METAP1: variants seen among roughly 807,000 people sequenced by gnomAD.
METAP1 encodes the protein methionine aminopeptidase 1.
Under a neutral mutation model 53.8 loss-of-function variants are expected in METAP1, and 28 were observed. The ratio of observed to expected loss-of-function variants is 0.52; its 90% CI spans 0.39 to 0.71. The LOEUF (loss-of-function observed/expected upper bound fraction) is 0.71, where lower values mean the gene tolerates loss of function less well. METAP1 is among the 30% of genes least tolerant of loss of function. The pLI, the probability that METAP1 is intolerant of heterozygous loss-of-function variation, is 0.00. For missense variants in METAP1, 389 were observed against 479.8 expected (o/e 0.81, Z 1.77); for synonymous variants, 181 against 165.7 (o/e 1.09, Z -0.71).
At chr4:99,012,463 CAG>C (rs1411356119) in intron 1 of METAP1, among the ~76,000 whole-genome samples, 12 of 151,506 alleles carry the variant, frequency 7.9e-5, no homozygotes, top group Non-Finnish European at 1.2e-4. Flanking sequence ...TTAGTAGAGA[CAG>C]GGTTTCACCA....
intron 1 of METAP1, among the ~76,000 whole-genome samples, chr4:98,997,029 G>C (rs1010958761): frequency 1.3e-5 from 2 of 152,240 alleles, no homozygotes; most frequent in Non-Finnish European, 2.9e-5. Context: ...CTTCTTCTGA[G>C]ACCCAGATTA....
chr4:99,031,101 G>GTTTTTTTTTTTTTTTTTT (rs56082818), intron 2 of METAP1, among the ~76,000 whole-genome samples: 5 of 109,918 alleles, frequency 4.5e-5, no homozygotes, highest in Admixed American at 9.7e-5. Flanking sequence ...CTCAAAGGTA[G>GTTTTTTTTTTTTTTTTTT]TTTTTTTTTT....
chr4:99,024,671 G>A (rs965124744), intron 1 of METAP1, among the ~76,000 whole-genome samples: 2 of 152,198 alleles, frequency 1.3e-5, no homozygotes, highest in Non-Finnish European at 2.9e-5. Context: ...CCCCAGGGGC[G>A]ATTTGGGGAG....
intron 9 of METAP1, among the ~76,000 whole-genome samples, chr4:99,057,361 G>A (rs76611562): frequency 0.014 from 2,068 of 152,328 alleles, 40 homozygotes; most frequent in African/African-American, 0.047. Context: ...ATTCTCCTTT[G>A]AGCTTCTCTA....
intron 1 of METAP1, among the ~76,000 whole-genome samples, chr4:99,000,675 A>G (rs963542855): frequency 6.9e-6 from 1 of 143,980 alleles, no homozygotes; most frequent in Non-Finnish European, 1.5e-5. Context: ...TTTTTTTTTA[A>G]ATAACAAGAC....
rs534796901 is a variant in METAP1, at chr4:99,034,335, A to T, written c.272A>T (p.Tyr91Phe). 2 of 1,498,812 alleles carry T rather than the reference A, an allele frequency of 1.3e-6. No individual in the cohort carries two copies. The highest frequency in any genetic ancestry group is 1.4e-5 in the African/African-American group (1 of 71,992). 92.8% of individuals were successfully genotyped at this position (1,498,812 alleles called of 1,614,324 possible). Reference sequence around the variant, plus strand: ...TATACTGGTAAACTCAGACCACATTATCCACTGGTGAGTAAATAAGGTAAT... The same window carrying T: ...TATACTGGTAAACTCAGACCACATTTTCCACTGGTGAGTAAATAAGGTAAT... ...YRYTGKLRPHYPLMPTRPVPS... is the reference protein window; with the variant it reads ...YRYTGKLRPHFPLMPTRPVPS... Residue 91 changes from tyrosine to phenylalanine, a missense_variant, in exon 3 of 11, where the codon TAT becomes TTT. Physicochemically the swap from Tyr to Phe is conservative, Grantham distance 22. Transcript: ENST00000296411.
At chr4:99,052,626 A>T (rs555214453) in intron 9 of METAP1, among the ~76,000 whole-genome samples, 14 of 152,316 alleles carry the variant, frequency 9.2e-5, no homozygotes, top group African/African-American at 2.9e-4. Context: ...TGCGCCCAGG[A>T]TCCAGTCACT....
At chr4:99,048,250 G>C (rs1191878530) in intron 8 of METAP1, among the ~76,000 whole-genome samples, 1 of 152,178 alleles carries the variant, frequency 6.6e-6, no homozygotes, top group East Asian at 1.9e-4. Context: ...GATGCCCTTG[G>C]TTTGAATTAG....
intron 1 of METAP1, among the ~76,000 whole-genome samples, chr4:99,013,593 T>C (rs950781306): frequency 5.9e-5 from 9 of 152,250 alleles, no homozygotes; most frequent in South Asian, 2.1e-4. Flanking sequence ...TACATCCTGA[T>C]GCAATCCCCT....
chr4:99,010,819 G>A (rs866791339), intron 1 of METAP1, among the ~76,000 whole-genome samples: 1 of 152,102 alleles, frequency 6.6e-6, no homozygotes, highest in South Asian at 2.1e-4. Context: ...CTCTCTATTT[G>A]TGTTGCCTTT....
chr4:99,048,765 A>C lies in METAP1; in HGVS notation c.820A>C (p.Asn274His), dbSNP rs764149955. The change falls in exon 9 of 11, where the codon AAC (asparagine) becomes CAC (histidine). Residue 274 changes from asparagine to histidine, a missense_variant. Coordinates refer to ENST00000296411, the MANE Select transcript of METAP1 (RefSeq NM_015143.3). ...KPGVRYRELGNIIQKHAQANG... is the reference protein window; with the variant it reads ...KPGVRYRELGHIIQKHAQANG... ...TGGTGTTCGGTACAGAGAATTGGGA[A>C]ACATTATCCAGAAGCATGCCCAAGC... 6.2e-7 allele frequency: 1 copy of C among 1,613,968 alleles called. No individual in the cohort carries two copies. The highest frequency in any genetic ancestry group is 1.6e-4 in the Middle Eastern group (1 of 6,062).
At chr4:99,039,256 A>C in intron 4 of METAP1, 118 bp from the exon 5 acceptor site, 3 of 588,640 alleles carry the variant, frequency 5.1e-6, no homozygotes, top group Non-Finnish European at 8.9e-6. Context: ...CCAAATCATG[A>C]ATTACTGTTG....
chr4:99,000,560 A>G (rs902673548), intron 1 of METAP1, among the ~76,000 whole-genome samples: 1 of 152,110 alleles, frequency 6.6e-6, no homozygotes, highest in African/African-American at 2.4e-5. Context: ...TTGAGGGGAA[A>G]TGTTACTTGT....
chr4:99,013,150 A>G (rs1358439831), intron 1 of METAP1, among the ~76,000 whole-genome samples: 1 of 151,934 alleles, frequency 6.6e-6, no homozygotes, highest in Non-Finnish European at 1.5e-5. Flanking sequence ...ATATTTGTGG[A>G]TTTTTCACAT....
chr4:99,058,172 T>C (rs1727287137), intron 10 of METAP1, among the ~76,000 whole-genome samples: 1 of 152,152 alleles, frequency 6.6e-6, no homozygotes, highest in Admixed American at 6.5e-5. Context: ...GAGCAGAGCA[T>C]TGACGAGCCA....
At chr4:99,029,368 G>T (rs1724825593) in intron 2 of METAP1, among the ~76,000 whole-genome samples, 1 of 152,082 alleles carries the variant, frequency 6.6e-6, no homozygotes, top group East Asian at 1.9e-4. Context: ...GTTATTACCT[G>T]CAGTCTTATG....
chr4:99,009,560 A>G (rs1480062326), intron 1 of METAP1, among the ~76,000 whole-genome samples: 1 of 152,066 alleles, frequency 6.6e-6, no homozygotes. Flanking sequence ...CATAGTAGTC[A>G]TCCTAATGGG....
chr4:99,018,339 A>G (rs1723898275), intron 1 of METAP1, among the ~76,000 whole-genome samples: 1 of 152,218 alleles, frequency 6.6e-6, no homozygotes, highest in South Asian at 2.1e-4. Flanking sequence ...GTATTCACTT[A>G]CTTTTTCTAT....
At chr4:99,045,028 T>C (rs1726118558) in intron 7 of METAP1, 151 bp from the exon 8 acceptor site, 1 of 717,826 alleles carries the variant, frequency 1.4e-6, no homozygotes, top group Non-Finnish European at 2.2e-6. Flanking sequence ...GGAGCTTCTG[T>C]TGGGCAATAA....
Sources: allele counts gnomAD v4.1 joint callset (sites outside exome capture counted in the v4.1 genomes callset), GRCh38; gene constraint gnomAD v4.1.1; transcripts MANE v1.5; gene names NCBI Gene and HGNC (gene_info 2026-07-23, HGNC 2026-07-21).